GALNT13: variants seen among roughly 807,000 people sequenced by gnomAD.
The protein encoded by GALNT13 is polypeptide N-acetylgalactosaminyltransferase 13.
GALNT13 carries 28 observed loss-of-function variants against 64.2 expected under a neutral mutation model. The ratio of observed to expected loss-of-function variants is 0.44; its 90% CI spans 0.32 to 0.60. The LOEUF (loss-of-function observed/expected upper bound fraction) is 0.60, where lower values mean the gene tolerates loss of function less well. GALNT13 is among the 20% of genes least tolerant of loss of function. The pLI is 0.05. For missense variants in GALNT13, 577 were observed against 669.8 expected (o/e 0.86, Z 1.53); for synonymous variants, 214 against 224.6 (o/e 0.95, Z 0.42).
At chr2:153,678,070 C>CA in the GALNT13 span, among the ~76,000 whole-genome samples, 39 of 133,550 alleles carry the variant, frequency 2.9e-4, no homozygotes, top group African/African-American at 9.0e-4. Context: ...AGTGAAAAAA[C>CA]AAAAAAACAA....
intron 9 of GALNT13, among the ~76,000 whole-genome samples, chr2:154,386,549 G>A (rs1574211833): frequency 1.3e-5 from 2 of 151,996 alleles, no homozygotes; most frequent in South Asian, 4.1e-4. Context: ...GAAATGATAA[G>A]CATCAGTTCT....
intron 1 of GALNT13, among the ~76,000 whole-genome samples, chr2:153,876,100 A>C (rs187060711): frequency 5.8e-4 from 88 of 152,148 alleles, no homozygotes; most frequent in African/African-American, 2.0e-3. Context: ...CTTGTCATCA[A>C]AATAAACACA....
chr2:153,871,562 G>A (rs1685935490), upstream of GALNT13, among the ~76,000 whole-genome samples: 1 of 152,198 alleles, frequency 6.6e-6, no homozygotes, highest in Non-Finnish European at 1.5e-5. Flanking sequence ...GGTGCACGCA[G>A]GCCGGCTTTG....
At chr2:153,106,614 G>T in the GALNT13 span, among the ~76,000 whole-genome samples, 1 of 152,146 alleles carries the variant, frequency 6.6e-6, no homozygotes, top group Non-Finnish European at 1.5e-5. Flanking sequence ...TTGGTCCAGA[G>T]ATATTGTTTT....
At chr2:154,200,934 A>T (rs1034103140) in intron 4 of GALNT13, among the ~76,000 whole-genome samples, 1 of 152,146 alleles carries the variant, frequency 6.6e-6, no homozygotes, top group East Asian at 1.9e-4. Context: ...TGTATATCTT[A>T]TATAATTTTG....
the GALNT13 span, among the ~76,000 whole-genome samples, chr2:153,738,883 A>G: frequency 6.6e-6 from 1 of 151,862 alleles, no homozygotes; most frequent in African/African-American, 2.4e-5. Flanking sequence ...TTTTTATTAT[A>G]AAAATGTCCA....
chr2:153,106,451 A>G, the GALNT13 span, among the ~76,000 whole-genome samples: 3 of 152,238 alleles, frequency 2.0e-5, no homozygotes, highest in East Asian at 1.9e-4. Flanking sequence ...TCATGACTCT[A>G]CAGAACCAGA....
chr2:153,804,465 C>T, the GALNT13 span, among the ~76,000 whole-genome samples: 5 of 152,158 alleles, frequency 3.3e-5, no homozygotes, highest in Admixed American at 6.5e-5. Flanking sequence ...GCATGAGCCA[C>T]AGCACCTGGC....
At chr2:154,014,997 A>G (rs1480453984) in intron 3 of GALNT13, among the ~76,000 whole-genome samples, 1 of 152,150 alleles carries the variant, frequency 6.6e-6, no homozygotes, top group Non-Finnish European at 1.5e-5. Context: ...AATTTCCCTT[A>G]TTGACATATA....
chr2:154,080,466 C>A (rs756822884), intron 3 of GALNT13, among the ~76,000 whole-genome samples: 2 of 151,562 alleles, frequency 1.3e-5, no homozygotes, highest in African/African-American at 2.4e-5. Context: ...CAGGAAATTG[C>A]TCTGTAAATA....
chr2:154,190,235 C>G lies in GALNT13; in HGVS notation c.311+49730C>G, dbSNP rs374787146. Among the ~76,000 whole-genome samples the G allele has an allele frequency of 3.3e-5, 5 of 152,296 alleles. No homozygotes were observed. In the East Asian group the frequency reaches 7.7e-4, roughly 24 times the overall value. On this transcript the variant is annotated intron_variant, in intron 4 of 12. Transcript: ENST00000392825. ...ATCCCCTTTGCCTGGCAAGTCAAGGCTCAAAAACTTGATGTCTACTGTGAT... is the reference window on the plus strand; with the variant it reads ...ATCCCCTTTGCCTGGCAAGTCAAGGGTCAAAAACTTGATGTCTACTGTGAT...
At chr2:153,487,793 A>G in the GALNT13 span, among the ~76,000 whole-genome samples, 2 of 152,214 alleles carry the variant, frequency 1.3e-5, no homozygotes, top group African/African-American at 4.8e-5. Flanking sequence ...TTTTTGGAGT[A>G]TTGACTATTA....
chr2:154,213,331 C>T (rs1389656425), intron 4 of GALNT13, among the ~76,000 whole-genome samples: 5 of 152,138 alleles, frequency 3.3e-5, no homozygotes, highest in South Asian at 2.1e-4. Flanking sequence ...ATGCTTGCCC[C>T]AGCCTCCCAA....
the GALNT13 span, among the ~76,000 whole-genome samples, chr2:153,314,244 A>G: frequency 2.0e-5 from 3 of 152,172 alleles, no homozygotes; most frequent in Non-Finnish European, 4.4e-5. Context: ...TGGTCTGAGG[A>G]CAGGTTAAAA....
the GALNT13 span, among the ~76,000 whole-genome samples, chr2:153,374,219 C>A: frequency 6.6e-6 from 1 of 152,162 alleles, no homozygotes; most frequent in Non-Finnish European, 1.5e-5. Flanking sequence ...CAGTAGTACA[C>A]AAGAATTCCT....
At chr2:153,711,264 T>C in the GALNT13 span, among the ~76,000 whole-genome samples, 1 of 152,152 alleles carries the variant, frequency 6.6e-6, no homozygotes, top group African/African-American at 2.4e-5. Context: ...ATGCATAGTA[T>C]ATATGGGCTT....
At chr2:153,252,789 T>C in the GALNT13 span, among the ~76,000 whole-genome samples, 46 of 152,212 alleles carry the variant, frequency 3.0e-4, no homozygotes, top group African/African-American at 1.1e-3. Context: ...TGTAGATATG[T>C]GGCATTATTT....
chr2:154,036,337 C>T (rs189028948), intron 3 of GALNT13, among the ~76,000 whole-genome samples: 5 of 152,192 alleles, frequency 3.3e-5, no homozygotes, highest in Admixed American at 3.3e-4. Flanking sequence ...ACCACAAATT[C>T]TGCATTGCAG....
intron 3 of GALNT13, among the ~76,000 whole-genome samples, chr2:153,974,255 C>T (rs893967521): frequency 6.6e-6 from 1 of 152,088 alleles, no homozygotes; most frequent in Non-Finnish European, 1.5e-5. Context: ...TCTGGCTAGA[C>T]ATAGTCTTAG....
Sources: gnomAD v4.1 joint callset for allele counts (sites outside exome capture counted in the v4.1 genomes callset) on GRCh38, gnomAD v4.1.1 for gene constraint, MANE v1.5 for transcripts, NCBI Gene and HGNC (gene_info 2026-07-23, HGNC 2026-07-21) for gene names.